Variants in P2RY8 observed in about 807,000 individuals in gnomAD.
The protein encoded by P2RY8 is P2Y receptor family member 8, also known as S-geranylgeranyl-glutathione receptor P2RY8.
In P2RY8, 6 loss-of-function variants were observed where a neutral mutation model predicts 10.0. The ratio of observed to expected loss-of-function variants is 0.60; its 90% CI spans 0.33 to 1.19. P2RY8 has a LOEUF of 1.19. P2RY8 is among the 50% of genes most tolerant of loss of function. The pLI is 0.04. For synonymous variants in P2RY8, 276 were observed against 252.5 expected, an observed-to-expected ratio of 1.09 and a Z score of -0.88; for missense variants, 456 against 542.0, an observed-to-expected ratio of 0.84 and a Z score of 1.58.
rs190527447 is a variant in P2RY8 at position 1,533,110 on chromosome X, T to A, written c.-25+3811A>T. ...CAAAGATTGGGGAGAGGATGAGGGA[T>A]AAAAGGCCACAAACCGGGTTCAGTG... On this transcript the variant is annotated intron_variant, in intron 1 of 1. Coordinates refer to ENST00000381297, the MANE Select transcript of P2RY8 (RefSeq NM_178129.5). 1.0e-3 allele frequency among the ~76,000 whole-genome samples: 154 copies of A among 146,940 alleles called. 1 individual carries two copies. The highest frequency in any genetic ancestry group is 3.8e-3 in the African/African-American group (150 of 39,744).
chrX:1,536,397 G>A (rs1235100481), intron 1 of P2RY8, among the ~76,000 whole-genome samples: 1 of 152,020 alleles, frequency 6.6e-6, no homozygotes, highest in Non-Finnish European at 1.5e-5. Context: ...GAGTAGCTGG[G>A]ACCGCAGGCG....
chrX:1,527,367 C>T lies in P2RY8; in HGVS notation c.-25+9554G>A, dbSNP rs1404377118. 5.9e-5 allele frequency among the ~76,000 whole-genome samples: 9 copies of T among 151,756 alleles called. No individual in the cohort carries two copies. In the East Asian group the frequency reaches 1.6e-3, roughly 27 times the overall value. ...ATCCATCCACTTATCCATACATCCA[C>T]TATTCATTTGCCCATTCATTTATTC... On this transcript the variant is annotated intron_variant, in intron 1 of 1. Coordinates refer to ENST00000381297, the MANE Select transcript of P2RY8 (RefSeq NM_178129.5).
intron 1 of P2RY8, among the ~76,000 whole-genome samples, chrX:1,516,871 G>T (rs112318046): frequency 7.0e-6 from 1 of 142,900 alleles, no homozygotes; most frequent in Admixed American, 7.0e-5. Flanking sequence ...AGCCCTGCCC[G>T]TTCGCTGATC....
intron 1 of P2RY8, among the ~76,000 whole-genome samples, chrX:1,473,399 G>T (rs1261166525): frequency 1.4e-5 from 2 of 146,996 alleles, no homozygotes; most frequent in East Asian, 2.1e-4. Flanking sequence ...ATGGGTGGGT[G>T]GATGGATCAG....
chrX:1,503,496 C>G (rs1409234446), intron 1 of P2RY8, among the ~76,000 whole-genome samples: 1 of 152,200 alleles, frequency 6.6e-6, no homozygotes, highest in African/African-American at 2.4e-5. Flanking sequence ...CGTAGTGGTT[C>G]ACACCTGTCA....
At chrX:1,536,387 G>T (rs1256416282) in intron 1 of P2RY8, among the ~76,000 whole-genome samples, 1 of 151,796 alleles carries the variant, frequency 6.6e-6, no homozygotes, top group Non-Finnish European at 1.5e-5. Context: ...TCAGCCTCCC[G>T]AGTAGCTGGG....
At chrX:1,507,002 G>C (rs2092240225) in intron 1 of P2RY8, among the ~76,000 whole-genome samples, 2 of 23,810 alleles carry the variant, frequency 8.4e-5, no homozygotes, top group Non-Finnish European at 1.5e-4. Flanking sequence ...CATTTCTGTA[G>C]GCAATGGACG....
intron 1 of P2RY8, among the ~76,000 whole-genome samples, chrX:1,477,533 CA>C (rs1442759078): frequency 1.5e-5 from 2 of 130,432 alleles, no homozygotes. Context: ...CTAACAATCA[CA>C]TATACGTGTT....
chrX:1,530,156 T>TC (rs1306077048), intron 1 of P2RY8, among the ~76,000 whole-genome samples: 49 of 3,430 alleles, frequency 0.014, no homozygotes, highest in African/African-American at 0.017. Context: ...TATGTATGTA[T>TC]GATCTATCTA....
intron 1 of P2RY8, among the ~76,000 whole-genome samples, chrX:1,515,955 G>T (rs2092344242): frequency 2.6e-5 from 3 of 113,676 alleles, no homozygotes; most frequent in South Asian, 8.1e-4. Flanking sequence ...GTCGGGGGGT[G>T]GTGGATCACC....
At chrX:1,513,398 A>G (rs2149404724) in intron 1 of P2RY8, among the ~76,000 whole-genome samples, 1 of 152,244 alleles carries the variant, frequency 6.6e-6, no homozygotes, top group East Asian at 1.9e-4. Flanking sequence ...CATATCAACC[A>G]TCCTCCCTGT....
chrX:1,513,416 C>G (rs73628530), intron 1 of P2RY8, among the ~76,000 whole-genome samples: 7,085 of 152,206 alleles, frequency 0.047, 571 homozygotes, highest in African/African-American at 0.16. Context: ...TGTGGAGGCT[C>G]TAGGGGAGGA....
intron 1 of P2RY8, among the ~76,000 whole-genome samples, chrX:1,513,075 T>C (rs2092311570): frequency 7.0e-6 from 1 of 143,836 alleles, no homozygotes; most frequent in Non-Finnish European, 1.5e-5. Context: ...CCTGTGTCTG[T>C]GTGTTCTCAT....
intron 1 of P2RY8, among the ~76,000 whole-genome samples, chrX:1,497,310 T>A (rs1245468365): frequency 2.1e-4 from 31 of 151,116 alleles, no homozygotes; most frequent in Non-Finnish European, 2.8e-4. Context: ...AATAGCATGT[T>A]AATTAGGGTT....
chrX:1,516,520 A>G (rs1166931610), intron 1 of P2RY8, among the ~76,000 whole-genome samples: 1 of 151,544 alleles, frequency 6.6e-6, no homozygotes, highest in Non-Finnish European at 1.5e-5. Context: ...AAGAGATCTC[A>G]TAAGAAGAGG....
intron 1 of P2RY8, among the ~76,000 whole-genome samples, chrX:1,487,906 C>T (rs374099095): frequency 3.3e-4 from 50 of 152,148 alleles, no homozygotes; most frequent in African/African-American, 1.1e-3. Context: ...GTCAGGAGAT[C>T]GAGACCATCC....
At chrX:1,530,123 A>G (rs2092462523) in intron 1 of P2RY8, among the ~76,000 whole-genome samples, 1 of 48,736 alleles carries the variant, frequency 2.1e-5, no homozygotes, top group African/African-American at 7.0e-5. Context: ...GTATCTATGC[A>G]TCTATGTATG....
At chrX:1,521,944 C>CTTTTT (rs751056296) in intron 1 of P2RY8, among the ~76,000 whole-genome samples, 2,402 of 38,986 alleles carry the variant, frequency 0.062, 732 homozygotes, top group Admixed American at 0.082. Flanking sequence ...CTCTCGCTCT[C>CTTTTT]TTTTTTTTTT....
At chrX:1,522,293 A>G (rs1170295659) in intron 1 of P2RY8, among the ~76,000 whole-genome samples, 14 of 152,024 alleles carry the variant, frequency 9.2e-5, no homozygotes, top group Admixed American at 6.6e-4. Flanking sequence ...TGAGGTTTAC[A>G]TAATGAAATC....
Sources: gnomAD v4.1 joint callset for allele counts (sites outside exome capture counted in the v4.1 genomes callset) on GRCh38, gnomAD v4.1.1 for gene constraint, MANE v1.5 for transcripts, NCBI Gene and HGNC (gene_info 2026-07-23, HGNC 2026-07-21) for gene names.